Variants in SSBP2 observed in about 807,000 individuals in gnomAD.
SSBP2 encodes the protein single stranded DNA binding protein 2.
A neutral mutation model predicts 61.8 loss-of-function variants in SSBP2; 17 were observed. The observed-to-expected ratio is 0.28, with a 90% CI of 0.19 to 0.41. The LOEUF is 0.41. Among genes scored for constraint, SSBP2 ranks in the 10% least tolerant of loss-of-function variants. The pLI is 1.00. For synonymous variants in SSBP2, 139 were observed against 141.3 expected (o/e 0.98, Z 0.12); for missense variants, 310 against 458.7 (o/e 0.68, Z 2.96).
At chr5:81,582,287 T>C (rs779893693) in intron 4 of SSBP2, among the ~76,000 whole-genome samples, 2 of 152,158 alleles carry the variant, frequency 1.3e-5, no homozygotes, top group Non-Finnish European at 2.9e-5. Flanking sequence ...ATGAAATTCA[T>C]GCTTTTAAGA....
At chr5:81,523,608 A>G (rs1674253470) in intron 4 of SSBP2, among the ~76,000 whole-genome samples, 1 of 152,062 alleles carries the variant, frequency 6.6e-6, no homozygotes, top group Non-Finnish European at 1.5e-5. Context: ...GAAAAATGAA[A>G]TATCATTGAG....
chr5:81,448,818 T>A lies in SSBP2; in HGVS notation c.695A>T (p.Tyr232Phe), dbSNP rs778290651. 4 of 1,612,826 alleles carry A rather than the reference T, an allele frequency of 2.5e-6. No homozygotes were observed. The highest frequency in any genetic ancestry group is 3.4e-6 in the Non-Finnish European group (4 of 1,179,566). Residue 232 changes from tyrosine (Y) to phenylalanine (F), a missense_variant, in exon 11 of 17, where the codon TAC (tyrosine) becomes TTC (phenylalanine). Physicochemically the swap from Tyr to Phe is conservative, Grantham distance 22 (BLOSUM62 3). Coordinates refer to ENST00000320672, the MANE Select transcript of SSBP2 (RefSeq NM_012446.5). ...ATAATTCCCAGGAGATGCTGAGGAG[T>A]ATGGTATCTGGAACACGAATAGGAC...
intron 4 of SSBP2, among the ~76,000 whole-genome samples, chr5:81,552,829 T>G (rs534185651): frequency 1.3e-5 from 2 of 152,232 alleles, no homozygotes; most frequent in South Asian, 4.1e-4. Flanking sequence ...ATAAAGAGCA[T>G]GAAAATGCTA....
intron 8 of SSBP2, 148 bp downstream of exon 8, chr5:81,473,552 C>T: frequency 1.5e-6 from 1 of 679,900 alleles, no homozygotes; most frequent in South Asian, 1.9e-5. Flanking sequence ...ATCCATGTGC[C>T]TGCAAAGGAC....
chr5:81,671,798 G>T (rs1026432669), intron 1 of SSBP2, among the ~76,000 whole-genome samples: 2 of 152,030 alleles, frequency 1.3e-5, no homozygotes, highest in Non-Finnish European at 2.9e-5. Context: ...CAGGTGTACA[G>T]GCAATAAAAA....
chr5:81,519,989 CTT>C (rs889340422), intron 4 of SSBP2, among the ~76,000 whole-genome samples: 4 of 143,410 alleles, frequency 2.8e-5, no homozygotes, highest in Non-Finnish European at 3.1e-5. Context: ...TTTCCCCCCT[CTT>C]TTTTTTTTTT....
chr5:81,432,733 G>A (rs938944436), intron 15 of SSBP2, among the ~76,000 whole-genome samples: 54 of 152,120 alleles, frequency 3.5e-4, no homozygotes, highest in Admixed American at 1.3e-3. Context: ...GCGACAGAGC[G>A]AGACTCTGAG....
intron 1 of SSBP2, among the ~76,000 whole-genome samples, chr5:81,655,847 T>C (rs901230568): frequency 6.6e-6 from 1 of 152,312 alleles, no homozygotes. Flanking sequence ...ATTGTATCGG[T>C]CTCCAGTTCT....
intron 4 of SSBP2, among the ~76,000 whole-genome samples, chr5:81,550,462 A>C (rs1772086678): frequency 6.6e-6 from 1 of 152,240 alleles, no homozygotes; most frequent in African/African-American, 2.4e-5. Flanking sequence ...TTACCAAAGT[A>C]ATTTTATTAA....
chr5:81,681,083 C>T (rs1031888819), intron 1 of SSBP2, among the ~76,000 whole-genome samples: 1 of 151,930 alleles, frequency 6.6e-6, no homozygotes, highest in Non-Finnish European at 1.5e-5. Context: ...CTCTCAGACA[C>T]AAAAGAATTA....
At chr5:81,615,780 A>C (rs1340086030) in intron 3 of SSBP2, among the ~76,000 whole-genome samples, 2 of 152,228 alleles carry the variant, frequency 1.3e-5, no homozygotes, top group East Asian at 3.8e-4. Flanking sequence ...ATAAAAAAAA[A>C]TTTATAGCAA....
chr5:81,701,927 A>G (rs1754008891), intron 1 of SSBP2, among the ~76,000 whole-genome samples: 1 of 152,234 alleles, frequency 6.6e-6, no homozygotes, highest in Admixed American at 6.5e-5. Context: ...ATAGTAGTTA[A>G]TGAAAAGTTT....
intron 4 of SSBP2, among the ~76,000 whole-genome samples, chr5:81,554,619 T>C (rs1201802423): frequency 6.6e-6 from 1 of 152,020 alleles, no homozygotes; most frequent in Non-Finnish European, 1.5e-5. Context: ...ATATTTTAGT[T>C]ATAGCTAATA....
At chr5:81,582,113 GT>G (rs1015270773) in intron 4 of SSBP2, among the ~76,000 whole-genome samples, 11 of 151,998 alleles carry the variant, frequency 7.2e-5, no homozygotes, top group African/African-American at 2.2e-4. Flanking sequence ...TAAAGCTCTG[GT>G]TGTTTTGTCT....
intron 4 of SSBP2, among the ~76,000 whole-genome samples, chr5:81,613,937 G>T (rs1745719195): frequency 6.6e-6 from 1 of 152,138 alleles, no homozygotes; most frequent in Non-Finnish European, 1.5e-5. Flanking sequence ...TTTATTTGCA[G>T]TAGCATCCCA....
chr5:81,577,032 T>C (rs1010526831), intron 4 of SSBP2, among the ~76,000 whole-genome samples: 1 of 152,076 alleles, frequency 6.6e-6, no homozygotes, highest in Non-Finnish European at 1.5e-5. Flanking sequence ...AATTAAATGT[T>C]TCGTGCATAT....
chr5:81,559,583 T>C (rs1469132772), intron 4 of SSBP2, among the ~76,000 whole-genome samples: 1 of 151,796 alleles, frequency 6.6e-6, no homozygotes, highest in African/African-American at 2.4e-5. Context: ...AAACAAATAA[T>C]AGAAATGAAC....
chr5:81,594,985 C>A (rs1369258676), intron 4 of SSBP2, among the ~76,000 whole-genome samples: 2 of 152,102 alleles, frequency 1.3e-5, no homozygotes, highest in East Asian at 3.8e-4. Context: ...CAAGAAATAA[C>A]TAAGATCAGA....
intron 4 of SSBP2, among the ~76,000 whole-genome samples, chr5:81,614,142 C>T (rs192803948): frequency 2.7e-4 from 41 of 152,116 alleles, no homozygotes; most frequent in African/African-American, 8.9e-4. Flanking sequence ...GGGCGGATCA[C>T]GAGGTCAGGA....
Sources: gnomAD v4.1 joint callset for allele counts (sites outside exome capture counted in the v4.1 genomes callset) on GRCh38, gnomAD v4.1.1 for gene constraint, MANE v1.5 for transcripts, NCBI Gene and HGNC (gene_info 2026-07-23, HGNC 2026-07-21) for gene names.